Variants in VCAN observed in about 807,000 individuals in gnomAD.
VCAN encodes versican, also known as versican core protein.
Under a neutral mutation model 245.5 loss-of-function variants are expected in VCAN, and 44 were observed. The observed-to-expected ratio is 0.18, with a 90% confidence interval of 0.14 to 0.23. The LOEUF (loss-of-function observed/expected upper bound fraction) is 0.23. VCAN is among the 10% of genes least tolerant of loss of function. The probability of loss-of-function intolerance (pLI) is 1.00; values close to 1 mark genes in which losing one functional copy is unlikely to be tolerated. For missense variants in VCAN, 3,793 were observed against 4,057.9 expected (o/e 0.93, Z 1.77); for synonymous variants, 1,413 against 1,437.0 (o/e 0.98, Z 0.38).
intron 13 of VCAN, among the ~76,000 whole-genome samples, chr5:83,574,014 T>C (rs529223611): frequency 2.2e-4 from 34 of 152,320 alleles, no homozygotes; most frequent in African/African-American, 7.5e-4. Context: ...ACTCTCAGTC[T>C]GAGACCGAAA....
chr5:83,531,787 A>C (rs1295516630), intron 7 of VCAN, among the ~76,000 whole-genome samples: 1 of 152,184 alleles, frequency 6.6e-6, no homozygotes, highest in Non-Finnish European at 1.5e-5. Context: ...TTTGTTATGA[A>C]GTACTTAAAA....
At chr5:83,488,830 G>T (rs1436871937) in intron 2 of VCAN, among the ~76,000 whole-genome samples, 1 of 152,122 alleles carries the variant, frequency 6.6e-6, no homozygotes, top group Non-Finnish European at 1.5e-5. Context: ...CATTAAATAT[G>T]ATACTATATT....
chr5:83,521,679 C>A lies in VCAN; in HGVS notation c.3373C>A (p.Arg1125Ser). Residue 1125 changes from arginine (R) to serine (S), a missense_variant, in exon 7 of 15, where the codon CGC (arginine) becomes AGC (serine). Arg to Ser is a moderately radical substitution (Grantham distance 110). Transcript: ENST00000265077. ...KTDEVVTLTP[R>S]IGPKVSLSPG... ...AGATGAAGTGGTAACACTAACACCA[C>A]GCATTGGGCCAAAAGTATCTTTAAG... The A allele has an allele frequency of 6.2e-7, 1 of 1,613,862 alleles. No homozygotes were observed. The highest frequency in any genetic ancestry group is 8.5e-7 in the Non-Finnish European group (1 of 1,180,008).
At chr5:83,478,720 C>A (rs936735869) in intron 1 of VCAN, among the ~76,000 whole-genome samples, 2 of 152,140 alleles carry the variant, frequency 1.3e-5, no homozygotes, top group African/African-American at 4.8e-5. Flanking sequence ...ATATATTATA[C>A]ATCTAATTAT....
intron 5 of VCAN, among the ~76,000 whole-genome samples, chr5:83,494,896 T>A (rs1745109289): frequency 6.6e-6 from 1 of 152,098 alleles, no homozygotes; most frequent in South Asian, 2.1e-4. Flanking sequence ...GAGGATTACA[T>A]GAGCCAGGGT....
chr5:83,494,618 A>G (rs1205347755), intron 5 of VCAN, among the ~76,000 whole-genome samples: 4 of 152,230 alleles, frequency 2.6e-5, no homozygotes, highest in African/African-American at 9.6e-5. Context: ...TGAGTTCAAT[A>G]GTACCGACAT....
At chr5:83,523,767 C>T (rs1746189858) in intron 7 of VCAN, among the ~76,000 whole-genome samples, 1 of 152,108 alleles carries the variant, frequency 6.6e-6, no homozygotes, top group Admixed American at 6.6e-5. Flanking sequence ...TCTTGGAAAT[C>T]ATAACATATT....
At chr5:83,551,342 C>G (rs1331763055) in intron 10 of VCAN, among the ~76,000 whole-genome samples, 1 of 151,910 alleles carries the variant, frequency 6.6e-6, no homozygotes, top group African/African-American at 2.4e-5. Context: ...GAAAGCCTGT[C>G]TCCACCAAAA....
At chr5:83,579,878 G>A in intron 13 of VCAN, 102 bp from the exon 14 acceptor site, 1 of 1,258,938 alleles carries the variant, frequency 7.9e-7, no homozygotes, top group Non-Finnish European at 1.1e-6. Flanking sequence ...CTTTGATGAA[G>A]TTGCTTACTT....
chr5:83,537,566 A>T lies in VCAN; in HGVS notation c.4563A>T (p.Ser1521=), dbSNP rs1430959728. The stretch of plus-strand genomic sequence containing the variant: ...GAACAGCCAAAAAAGGGGCAGAATC[A>T]GTCACAGAGAGAGATACTGAAGTTG... ...ESGTAKKGAE[S]VTERDTEVGH... The change falls in exon 8 of 15, where the codon TCA becomes TCT. Residue 1521 remains serine (S), a synonymous_variant. Transcript: ENST00000265077. 6.2e-7 allele frequency: 1 copy of T among 1,613,772 alleles called. No individual in the cohort carries two copies. Among genetic ancestry groups the T allele is most frequent in the Non-Finnish European group, 8.5e-7 (1 of 1,179,904 alleles).
intron 12 of VCAN, among the ~76,000 whole-genome samples, chr5:83,555,336 T>G (rs950558332): frequency 6.6e-6 from 1 of 152,204 alleles, no homozygotes; most frequent in African/African-American, 2.4e-5. Flanking sequence ...TTATCTTTGC[T>G]TTTTCTAGCT....
At chr5:83,510,077 C>T (rs990331329) in intron 5 of VCAN, among the ~76,000 whole-genome samples, 23 of 152,058 alleles carry the variant, frequency 1.5e-4, no homozygotes, top group Admixed American at 7.9e-4. Context: ...TTGTGAGAGC[C>T]GGGAGGGGAA....
chr5:83,479,792 C>G (rs958509479), intron 1 of VCAN, among the ~76,000 whole-genome samples: 2 of 152,278 alleles, frequency 1.3e-5, no homozygotes, highest in South Asian at 4.2e-4. Context: ...GTCTTGGACT[C>G]CAAAGAAGAG....
intron 3 of VCAN, among the ~76,000 whole-genome samples, chr5:83,492,632 CA>C (rs1291634120): frequency 6.6e-6 from 1 of 152,152 alleles, no homozygotes; most frequent in Non-Finnish European, 1.5e-5. Context: ...GAGCACAGTT[CA>C]AAACCACTAG....
chr5:83,503,939 T>A (rs1745406590), intron 5 of VCAN, among the ~76,000 whole-genome samples: 2 of 152,234 alleles, frequency 1.3e-5, no homozygotes, highest in African/African-American at 4.8e-5. Context: ...TTTAATGTTT[T>A]GATTTGTTTT....
intron 1 of VCAN, among the ~76,000 whole-genome samples, chr5:83,474,820 C>T (rs1744329037): frequency 6.6e-6 from 1 of 152,244 alleles, no homozygotes; most frequent in African/African-American, 2.4e-5. Context: ...CCAGACAGCG[C>T]TGAACACTCT....
In VCAN at chr5:83,502,102, A is replaced by G. The variant is rs149567862; in HGVS notation, c.748+8171A>G. 9.7e-4 allele frequency among the ~76,000 whole-genome samples: 148 copies of G among 152,282 alleles called. 1 individual carries two copies. The highest frequency in any genetic ancestry group is 3.4e-3 in the African/African-American group (143 of 41,568). On this transcript the variant is annotated intron_variant, in intron 5 of 14. Coordinates refer to ENST00000265077, the MANE Select transcript of VCAN (RefSeq NM_004385.5). ...TTTTGATTGTTTATTACAAGTGTAC[A>G]GAAATGCAATTGATTTTTATATATA...
chr5:83,499,773 T>C (rs1436022752), intron 5 of VCAN, among the ~76,000 whole-genome samples: 1 of 152,220 alleles, frequency 6.6e-6, no homozygotes, highest in Admixed American at 6.5e-5. Flanking sequence ...TATAGGTTAT[T>C]ATTTTTACTG....
At chr5:83,484,037 T>C (rs963652962) in intron 2 of VCAN, among the ~76,000 whole-genome samples, 1 of 152,242 alleles carries the variant, frequency 6.6e-6, no homozygotes, top group African/African-American at 2.4e-5. Context: ...AAAAAGCAGT[T>C]GGATATGCAT....
Sources: allele counts gnomAD v4.1 joint callset (sites outside exome capture counted in the v4.1 genomes callset), GRCh38; gene constraint gnomAD v4.1.1; transcripts MANE v1.5; gene names NCBI Gene and HGNC (gene_info 2026-07-23, HGNC 2026-07-21).